PLCH2: variants seen among roughly 807,000 people sequenced by gnomAD.
PLCH2 encodes phospholipase C eta 2, also known as 1-phosphatidylinositol 4,5-bisphosphate phosphodiesterase eta-2.
A neutral mutation model predicts 134.7 loss-of-function variants in PLCH2; 98 were observed. That is an observed-to-expected ratio of 0.73 (90% CI 0.62 to 0.86). PLCH2 has a LOEUF of 0.86. Ranked by LOEUF, PLCH2 falls within the 40% of genes least tolerant of loss-of-function variation. PLCH2 has a pLI of 0.00. For missense variants in PLCH2, 1,994 were observed against 1,986.6 expected, an observed-to-expected ratio of 1.00 and a Z score of -0.07; for synonymous variants, 974 against 827.5, an observed-to-expected ratio of 1.18 and a Z score of -3.04.
At chr1:2,495,612 G>A (rs1484408171) in intron 13 of PLCH2, 42 bp downstream of exon 13, 2 of 1,431,418 alleles carry the variant, frequency 1.4e-6, no homozygotes, top group Non-Finnish European at 1.9e-6. Flanking sequence ...ACACTCCTGG[G>A]AGCCTGGCCC....
rs149369498 is a variant in PLCH2 at position 2,483,150 on chromosome 1, C to T, written c.646-1298C>T. Among the ~76,000 whole-genome samples, 35 of 152,326 alleles carry T rather than the reference C, an allele frequency of 2.3e-4. No individual in the cohort carries two copies. The East Asian group carries it at 6.8e-3, about 29-fold the overall frequency. On this transcript the variant is annotated intron_variant, in intron 4 of 21. Transcript: ENST00000378486. ...CGACTTTTGGAGGTATTTCCTGCTT[C>T]TCAGGGCACCCAGTCTGGGGCTTCC...
chr1:2,458,255 G>A (rs577453110), intron 2 of PLCH2, among the ~76,000 whole-genome samples: 1 of 152,352 alleles, frequency 6.6e-6, no homozygotes, highest in South Asian at 2.1e-4. Context: ...CCCCTGTGAG[G>A]CTGAGGATGG....
At chr1:2,500,670 C>A (rs531347823) in intron 20 of PLCH2, 1 of 152,256 alleles carries the variant, frequency 6.6e-6, no homozygotes, top group Admixed American at 6.5e-5. Flanking sequence ...GCTCATGTGA[C>A]GTGGATCATG....
chr1:2,432,322 C>T (rs552160328), intron 2 of PLCH2, among the ~76,000 whole-genome samples: 25 of 152,266 alleles, frequency 1.6e-4, no homozygotes, highest in South Asian at 1.2e-3. Flanking sequence ...CTGAGCACTC[C>T]GGCTGGGACT....
the PLCH2 span, among the ~76,000 whole-genome samples, chr1:2,417,413 G>GCCCAGCTTCCCAGCTT: frequency 7.1e-6 from 1 of 140,054 alleles, no homozygotes; most frequent in Non-Finnish European, 1.6e-5. Context: ...GGTGGGCCCT[G>GCCCAGCTTCCCAGCTT]CCCAGCTTCC....
At chr1:2,458,199 C>G (rs899947215) in intron 2 of PLCH2, among the ~76,000 whole-genome samples, 1 of 152,124 alleles carries the variant, frequency 6.6e-6, no homozygotes, top group Non-Finnish European at 1.5e-5. Context: ...CTGCCTGGGG[C>G]GGGGGGACTC....
In PLCH2 at chr1:2,502,909, C is replaced by T. The variant is rs1333551101; in HGVS notation, c.2959+500C>T. The stretch of plus-strand genomic sequence containing the variant: ...GGAGTAAATCCCCCATGTTCTCCGC[C>T]GGTAAGCCCCTCTTGCCCTGCGTGG... On this transcript the variant is annotated intron_variant, in intron 21 of 21. Coordinates refer to ENST00000378486, the MANE Select transcript of PLCH2 (RefSeq NM_014638.4). 2.5e-5 allele frequency: 18 copies of T among 717,078 alleles called. 1 individual carries two copies. Among genetic ancestry groups the T allele is most frequent in the Admixed American group, 1.0e-4 (5 of 50,000 alleles). The allele number at this position is 717,078 out of a possible 1,614,324, so 44.4% of individuals were successfully genotyped here.
At chr1:2,441,688 G>A (rs539910100) in intron 2 of PLCH2, among the ~76,000 whole-genome samples, 5 of 152,300 alleles carry the variant, frequency 3.3e-5, no homozygotes, top group African/African-American at 9.6e-5. Flanking sequence ...CCAGCACCCC[G>A]GGAGAGGAAG....
chr1:2,429,458 T>C (rs2100478743), intron 1 of PLCH2, among the ~76,000 whole-genome samples: 1 of 152,194 alleles, frequency 6.6e-6, no homozygotes, highest in African/African-American at 2.4e-5. Flanking sequence ...GGAGCTGGCC[T>C]GAGAGTGAGG....
Position 2,504,735 on chromosome 1 carries a change from G to A in PLCH2, c.3773G>A (p.Gly1258Asp), listed in dbSNP as rs1192224188. ...CPVAAKSKSL[G>D]DLTADDFAPS... ...GTGGCTGCCAAGTCCAAGAGCCTGG[G>A]CGACCTCACTGCTGATGACTTTGCC... Residue 1258 changes from glycine to aspartate, a missense_variant, in exon 22 of 22, where the codon GGC becomes GAC. Coordinates refer to ENST00000378486, the MANE Select transcript of PLCH2 (RefSeq NM_014638.4). 1 of 1,612,540 alleles carries A rather than the reference G, an allele frequency of 6.2e-7. No individual in the cohort carries two copies. Among genetic ancestry groups the A allele is most frequent in the Non-Finnish European group, 8.5e-7 (1 of 1,179,792 alleles).
the PLCH2 span, among the ~76,000 whole-genome samples, chr1:2,420,181 C>A: frequency 1.3e-5 from 2 of 152,114 alleles, no homozygotes; most frequent in Non-Finnish European, 2.9e-5. Flanking sequence ...TACCTCACAT[C>A]CCTCTCAGCT....
At chr1:2,489,673 CT>C (rs1642462831) in intron 9 of PLCH2, 86 bp from the exon 10 acceptor site, 18 of 1,103,250 alleles carry the variant, frequency 1.6e-5, no homozygotes, top group Non-Finnish European at 2.5e-5. Flanking sequence ...GGCCCCTCTC[CT>C]TGGCCGGCGG....
chr1:2,461,775 C>T (rs1391897492), intron 2 of PLCH2, among the ~76,000 whole-genome samples: 2 of 152,278 alleles, frequency 1.3e-5, no homozygotes, highest in South Asian at 2.1e-4. Context: ...GCAACTCCCC[C>T]AGGCTTGGGG....
chr1:2,471,144 G>A (rs1322010322), intron 1 of PLCH2, among the ~76,000 whole-genome samples: 1 of 152,196 alleles, frequency 6.6e-6, no homozygotes, highest in African/African-American at 2.4e-5. Flanking sequence ...CCGCTGCTGT[G>A]AGCTGGGCTG....
upstream of PLCH2, among the ~76,000 whole-genome samples, chr1:2,423,045 A>G (rs901584998): frequency 2.0e-5 from 3 of 152,176 alleles, no homozygotes; most frequent in Non-Finnish European, 4.4e-5. Flanking sequence ...AAGCTGATAG[A>G]CTCACAGTGA....
intron 2 of PLCH2, among the ~76,000 whole-genome samples, chr1:2,441,461 AC>A: frequency 6.6e-6 from 1 of 152,040 alleles, no homozygotes; most frequent in Non-Finnish European, 1.5e-5. Context: ...TCTTTCATTC[AC>A]CCACACCTCA....
At position 2,497,620 on chromosome 1, in the gene PLCH2, C is replaced by A; in HGVS notation, c.2224+11C>A. On this transcript the variant is annotated intron_variant, in intron 16 of 21. Transcript: ENST00000378486. ...GGTGCATGTGCCAGGGTGAGGCACT[C>A]GGACACTCAGGGCTCGGACGCTCAG... The A allele has an allele frequency of 6.5e-7, 1 of 1,530,646 alleles. No individual in the cohort carries two copies. Among genetic ancestry groups the A allele is most frequent in the African/African-American group, 1.4e-5 (1 of 72,808 alleles). The allele number at this position is 1,530,646 out of a possible 1,614,324, so 94.8% of individuals were successfully genotyped here.
At chr1:2,456,585 C>T (rs1264567541) in intron 2 of PLCH2, among the ~76,000 whole-genome samples, 8 of 152,328 alleles carry the variant, frequency 5.3e-5, no homozygotes, top group African/African-American at 1.2e-4. Context: ...GCAGACCCGT[C>T]GACCCCTTGG....
rs554143265 is a variant in PLCH2 at position 2,459,392 on chromosome 1, C to G, written c.116-19084C>G. On this transcript the variant is annotated intron_variant, in intron 2 of 3. Transcript: ENST00000609981. The stretch of plus-strand genomic sequence containing the variant: ...GTCCTCCTTGCCGGTGGTCCTCCTT[C>G]CTGGTGGTTCTCCTTCCTGGTGGTC... 1.3e-3 allele frequency among the ~76,000 whole-genome samples: 148 copies of G among 112,752 alleles called. 1 individual carries two copies. The highest frequency in any genetic ancestry group is 2.0e-3 in the East Asian group (7 of 3,468). The allele number at this position is 112,752 out of a possible 152,430, so 74.0% of individuals were successfully genotyped here.
Sources: allele counts gnomAD v4.1 joint callset (sites outside exome capture counted in the v4.1 genomes callset), GRCh38; gene constraint gnomAD v4.1.1; transcripts MANE v1.5; gene names NCBI Gene and HGNC (gene_info 2026-07-23, HGNC 2026-07-21).